Variants in TCF7L1 observed in about 807,000 individuals in gnomAD.
TCF7L1 encodes the protein transcription factor 7 like 1.
In TCF7L1, 18 loss-of-function variants were observed where a neutral mutation model predicts 63.7. The ratio of observed to expected loss-of-function variants is 0.28; its 90% CI spans 0.20 to 0.42. The LOEUF is 0.42. TCF7L1 is among the 10% of genes least tolerant of loss of function. The pLI is 1.00. For missense variants in TCF7L1, 654 were observed against 779.3 expected, an observed-to-expected ratio of 0.84 and a Z score of 1.91; for synonymous variants, 355 against 340.9, an observed-to-expected ratio of 1.04 and a Z score of -0.46.
intron 3 of TCF7L1, among the ~76,000 whole-genome samples, chr2:85,156,917 G>T (rs1403364326): frequency 6.6e-6 from 1 of 152,178 alleles, no homozygotes; most frequent in Non-Finnish European, 1.5e-5. Flanking sequence ...TTAGACTTGG[G>T]TGGGGCTGGG....
intron 3 of TCF7L1, among the ~76,000 whole-genome samples, chr2:85,176,851 G>A (rs1297829023): frequency 6.6e-6 from 1 of 152,026 alleles, no homozygotes; most frequent in East Asian, 1.9e-4. Flanking sequence ...GCCTGGTGTG[G>A]TGGCAGGCAC....
At chr2:85,245,555 G>T (rs1680442389) in intron 3 of TCF7L1, among the ~76,000 whole-genome samples, 1 of 152,142 alleles carries the variant, frequency 6.6e-6, no homozygotes, top group African/African-American at 2.4e-5. Flanking sequence ...GCTCACATCT[G>T]TAATCCCAGC....
chr2:85,234,703 A>G (rs1327887411), intron 3 of TCF7L1, among the ~76,000 whole-genome samples: 1 of 152,178 alleles, frequency 6.6e-6, no homozygotes, highest in Non-Finnish European at 1.5e-5. Flanking sequence ...AAATCACAAA[A>G]TCACCATGAT....
chr2:85,134,161 T>C lies in TCF7L1; in HGVS notation c.313+82T>C. On this transcript the variant is annotated intron_variant, in intron 2 of 11. Coordinates refer to ENST00000282111, the MANE Select transcript of TCF7L1 (RefSeq NM_031283.3). This position sits in a 1 kb window ranked among gnomAD's most constrained non-coding sequence, Gnocchi z 5.0. ...AGCCCGGGCGGCCCACCGTCCCCCT[T>C]GCTTGGGTGGACGCACCCTTGCCCT... is the stretch of plus-strand genomic sequence containing the variant. 2.6e-6 allele frequency: 4 copies of C among 1,559,124 alleles called. No homozygotes were observed. Among genetic ancestry groups the C allele is most frequent in the Non-Finnish European group, 3.5e-6 (4 of 1,149,286 alleles).
At chr2:85,222,113 G>A (rs550562319) in intron 3 of TCF7L1, among the ~76,000 whole-genome samples, 6 of 152,248 alleles carry the variant, frequency 3.9e-5, no homozygotes, top group Non-Finnish European at 8.8e-5. Flanking sequence ...AGGCCGAGGA[G>A]GGTGGATCAC....
intron 3 of TCF7L1, chr2:85,167,072 T>G (rs1678436335): frequency 6.6e-6 from 1 of 152,174 alleles, no homozygotes; most frequent in African/African-American, 2.4e-5. Flanking sequence ...CTAATTTTGG[T>G]GCATGTATTT....
intron 3 of TCF7L1, among the ~76,000 whole-genome samples, chr2:85,172,456 T>C (rs1678567835): frequency 6.6e-6 from 1 of 152,238 alleles, no homozygotes; most frequent in South Asian, 2.1e-4. Flanking sequence ...TGAGACAGTC[T>C]CGCTCTGTCG....
Position 85,186,356 on chromosome 2 carries a change from G to A in TCF7L1, c.441+51906G>A, listed in dbSNP as rs1390090883. The A allele has an allele frequency of 3.3e-5, 5 of 152,286 alleles. No homozygotes were observed. The East Asian group carries it at 5.8e-4, about 18-fold the overall frequency. The allele number at this position is 152,286 out of a possible 1,614,324, so 9.4% of individuals were successfully genotyped here. On this transcript the variant is annotated intron_variant, in intron 3 of 11. Coordinates refer to ENST00000282111, the MANE Select transcript of TCF7L1 (RefSeq NM_031283.3). The stretch of plus-strand genomic sequence containing the variant: ...CAGTGGCTCCTCCTTTCCATGAGGG[G>A]GCGCCATCCAGAGTCAGCGCTTCCT...
chr2:85,167,115 G>C (rs1262120753), intron 3 of TCF7L1: 1 of 152,122 alleles, frequency 6.6e-6, no homozygotes, highest in African/African-American at 2.4e-5. Context: ...ATTTCTTCCA[G>C]TTTCCTTGGT....
intron 3 of TCF7L1, among the ~76,000 whole-genome samples, chr2:85,147,654 G>A (rs1677911982): frequency 6.6e-6 from 1 of 152,156 alleles, no homozygotes; most frequent in Admixed American, 6.5e-5. Flanking sequence ...TAGCCCCTGT[G>A]CCACTTGTGG....
At chr2:85,293,931 G>A (rs147903556) in intron 4 of TCF7L1, among the ~76,000 whole-genome samples, 20 of 151,834 alleles carry the variant, frequency 1.3e-4, no homozygotes, top group Non-Finnish European at 2.6e-4. Context: ...TCTTGAGCAG[G>A]CATCGGAGTC....
At position 85,238,652 on chromosome 2, in the gene TCF7L1, G is replaced by A. The variant is rs530572857; in HGVS notation, c.442-44843G>A. ...TATCACATTCTGCTGGGGGGAAACA[G>A]AGAGTGAACAGATGGAAACACCCAG... On this transcript the variant is annotated intron_variant, in intron 3 of 11. Transcript: ENST00000282111. Among the ~76,000 whole-genome samples the A allele has an allele frequency of 2.2e-3, 324 of 146,890 alleles. 2 individuals carry two copies. Among genetic ancestry groups the A allele is most frequent in the African/African-American group, 7.2e-3 (296 of 41,158 alleles).
chr2:85,159,913 C>G (rs1418672985), intron 3 of TCF7L1, among the ~76,000 whole-genome samples: 1 of 152,184 alleles, frequency 6.6e-6, no homozygotes, highest in Non-Finnish European at 1.5e-5. Flanking sequence ...TTGGCCCCCT[C>G]CTGTCCCCAG....
rs779621293 is a variant in TCF7L1 at position 85,228,142 on chromosome 2, G to T, written c.442-55353G>T. On this transcript the variant is annotated intron_variant, in intron 3 of 11. Coordinates refer to ENST00000282111, the MANE Select transcript of TCF7L1 (RefSeq NM_031283.3). The stretch of plus-strand genomic sequence containing the variant: ...AGGTATTATAAAAAGATAGGAGACT[G>T]GGTGTGGTGGCTCATGCCTATAATC... 2.0e-4 allele frequency among the ~76,000 whole-genome samples: 31 copies of T among 152,260 alleles called. 1 individual carries two copies. The highest frequency in any genetic ancestry group is 8.3e-4 in the South Asian group (4 of 4,826).
chr2:85,274,374 G>A (rs2104359374), intron 3 of TCF7L1, among the ~76,000 whole-genome samples: 1 of 152,320 alleles, frequency 6.6e-6, no homozygotes, highest in Admixed American at 6.5e-5. Context: ...CCACAGAATG[G>A]CTGTGCCTAG....
At chr2:85,180,474 C>G (rs888988779) in intron 3 of TCF7L1, among the ~76,000 whole-genome samples, 2 of 152,102 alleles carry the variant, frequency 1.3e-5, no homozygotes, top group Non-Finnish European at 2.9e-5. Context: ...ACACCCCGCA[C>G]ATTATCATAC....
At chr2:85,282,611 A>C (rs1230388238) in intron 3 of TCF7L1, among the ~76,000 whole-genome samples, 1 of 152,188 alleles carries the variant, frequency 6.6e-6, no homozygotes, top group East Asian at 1.9e-4. Context: ...ACTGGGACTC[A>C]GAGTTGTTAA....
At chr2:85,197,646 G>T (rs1679187797) in intron 3 of TCF7L1, among the ~76,000 whole-genome samples, 1 of 152,196 alleles carries the variant, frequency 6.6e-6, no homozygotes, top group East Asian at 1.9e-4. Context: ...AATATTAGCT[G>T]ATGTGGCTGA....
chr2:85,274,883 C>G (rs1054804660), intron 3 of TCF7L1, among the ~76,000 whole-genome samples: 10 of 152,142 alleles, frequency 6.6e-5, no homozygotes, highest in African/African-American at 2.4e-4. Context: ...CCCGCATGCC[C>G]CACACTCTGC....
Sources: allele counts gnomAD v4.1 joint callset (sites outside exome capture counted in the v4.1 genomes callset), GRCh38; gene constraint gnomAD v4.1.1; non-coding constraint Gnocchi (gnomAD v3.1); transcripts MANE v1.5; gene names NCBI Gene and HGNC (gene_info 2026-07-23, HGNC 2026-07-21).